Variants in CRB1 observed in about 807,000 individuals in gnomAD.
CRB1 encodes protein crumbs homolog 1.
Under a neutral mutation model 120.0 loss-of-function variants are expected in CRB1, and 83 were observed. The ratio of observed to expected loss-of-function variants is 0.69; its 90% CI spans 0.58 to 0.83. The LOEUF (loss-of-function observed/expected upper bound fraction) is 0.83, where lower values mean the gene tolerates loss of function less well. Among genes scored for constraint, CRB1 ranks in the 40% least tolerant of loss-of-function variants. CRB1 has a pLI of 0.00. For missense variants in CRB1, 1,699 were observed against 1,687.6 expected, an observed-to-expected ratio of 1.01 and a Z score of -0.12; for synonymous variants, 625 against 612.5, an observed-to-expected ratio of 1.02 and a Z score of -0.30.
intron 1 of CRB1, among the ~76,000 whole-genome samples, chr1:197,287,661 G>A (rs972834170): frequency 6.6e-6 from 1 of 151,766 alleles, no homozygotes; most frequent in Non-Finnish European, 1.5e-5. Flanking sequence ...CTCATGTGCA[G>A]TTTATCCAAG....
intron 5 of CRB1, among the ~76,000 whole-genome samples, chr1:197,387,568 ATGACT>A (rs1367440468): frequency 2.0e-4 from 30 of 152,204 alleles, no homozygotes; most frequent in Non-Finnish European, 1.9e-4. Flanking sequence ...CGTACTAAAA[ATGACT>A]TGACCTTAGA....
intron 5 of CRB1, among the ~76,000 whole-genome samples, chr1:197,362,481 C>T (rs77085518): frequency 6.6e-6 from 1 of 152,130 alleles, no homozygotes; most frequent in Non-Finnish European, 1.5e-5. Context: ...AAAGTCCCCA[C>T]CTATAATTAT....
intron 7 of CRB1, among the ~76,000 whole-genome samples, 168 bp downstream of exon 7, chr1:197,428,169 T>C (rs1006765660): frequency 1.1e-4 from 17 of 152,344 alleles, no homozygotes; most frequent in South Asian, 6.2e-4. Flanking sequence ...GAAATTTACA[T>C]TGAGCCATAG....
intron 10 of CRB1, chr1:197,441,841 C>T (rs1013522024): frequency 9.1e-6 from 3 of 330,106 alleles, no homozygotes; most frequent in Admixed American, 4.3e-5. Context: ...AGGTGGCAAC[C>T]ACACTAATGC....
chr1:197,373,008 G>A (rs796715479), intron 5 of CRB1, among the ~76,000 whole-genome samples: 30 of 152,214 alleles, frequency 2.0e-4, no homozygotes, highest in African/African-American at 6.5e-4. Context: ...AGAAGCCTAA[G>A]TGCCTCTCTC....
intron 5 of CRB1, among the ~76,000 whole-genome samples, chr1:197,370,893 G>A (rs1661335354): frequency 6.6e-6 from 1 of 152,070 alleles, no homozygotes; most frequent in African/African-American, 2.4e-5. Flanking sequence ...CATTATCTCT[G>A]TTATTTGAAA....
upstream of CRB1, chr1:197,268,152 G>A: frequency 2.2e-6 from 1 of 445,622 alleles, no homozygotes; most frequent in East Asian, 4.4e-5. Flanking sequence ...AGGGGGGAAT[G>A]AATCCAATCC....
At chr1:197,238,984 C>T in the CRB1 span, among the ~76,000 whole-genome samples, 56 of 152,216 alleles carry the variant, frequency 3.7e-4, no homozygotes, top group Admixed American at 3.3e-3. Context: ...TAGTCTTCTG[C>T]GTATTTATGT....
intron 5 of CRB1, among the ~76,000 whole-genome samples, chr1:197,359,641 A>T (rs144052120): frequency 3.3e-5 from 5 of 152,300 alleles, no homozygotes; most frequent in African/African-American, 9.6e-5. Flanking sequence ...TTCCTATGAT[A>T]GTTTCAGGTT....
intron 5 of CRB1, among the ~76,000 whole-genome samples, chr1:197,359,354 T>G (rs1296167704): frequency 6.6e-6 from 1 of 152,192 alleles, no homozygotes; most frequent in East Asian, 1.9e-4. Flanking sequence ...TAAGAGTTTT[T>G]TTTTTTTTCC....
At chr1:197,440,967 G>T (rs1370478719) in intron 10 of CRB1, 1 of 152,212 alleles carries the variant, frequency 6.6e-6, no homozygotes. Flanking sequence ...TCTCAGCTAT[G>T]CTTGGTATCC....
At chr1:197,319,280 T>G in intron 1 of CRB1, among the ~76,000 whole-genome samples, 1 of 34,386 alleles carries the variant, frequency 2.9e-5, no homozygotes, top group East Asian at 3.0e-3. Flanking sequence ...AAAAAAAAAT[T>G]AGCCGGACGT....
the CRB1 span, among the ~76,000 whole-genome samples, chr1:197,207,456 A>G: frequency 6.6e-6 from 1 of 152,100 alleles, no homozygotes; most frequent in East Asian, 1.9e-4. Context: ...AAAAGACTGT[A>G]TCTTTCCTTC....
chr1:197,434,901 A>C lies in CRB1; in HGVS notation c.3038A>C (p.Gln1013Pro), dbSNP rs886043310. 6.2e-7 allele frequency: 1 copy of C among 1,613,928 alleles called. No homozygotes were observed. Among genetic ancestry groups the C allele is most frequent in the Non-Finnish European group, 8.5e-7 (1 of 1,179,876 alleles). Residue 1013 changes from glutamine (Q) to proline (P), a missense_variant, in exon 9 of 12, where the codon CAA becomes CCA. Gln to Pro is a moderately conservative substitution (Grantham distance 76, BLOSUM62 -1). Transcript: ENST00000367400. Reference protein sequence around the residue: ...IQDSRLFFQLQSGNSFYMLSL... With the variant: ...IQDSRLFFQLPSGNSFYMLSL... ...GATTCCAGATTATTCTTTCAATTGCAAAGTGGCAACAGCTTTTATATGCTA... is the reference window on the plus strand; with the variant it reads ...GATTCCAGATTATTCTTTCAATTGCCAAGTGGCAACAGCTTTTATATGCTA...
chr1:197,270,035 A>AT (rs1223698599), intron 1 of CRB1, among the ~76,000 whole-genome samples: 3 of 152,156 alleles, frequency 2.0e-5, no homozygotes, highest in Non-Finnish European at 4.4e-5. Flanking sequence ...ATATAATCAT[A>AT]TTGCTTTCCC....
the CRB1 span, among the ~76,000 whole-genome samples, chr1:197,262,269 A>G: frequency 6.6e-6 from 1 of 152,310 alleles, no homozygotes; most frequent in Admixed American, 6.5e-5. Flanking sequence ...TCCAGAACCT[A>G]CTATGTTCTG....
chr1:197,276,821 T>C (rs1349172011), intron 1 of CRB1, among the ~76,000 whole-genome samples: 3 of 151,886 alleles, frequency 2.0e-5, no homozygotes, highest in Non-Finnish European at 2.9e-5. Flanking sequence ...GCAATCATAC[T>C]ACATAGTAGC....
At chr1:197,438,082 G>A (rs984645642) in intron 9 of CRB1, 2 of 204,616 alleles carry the variant, frequency 9.8e-6, no homozygotes, top group Admixed American at 1.1e-4. Flanking sequence ...ATAGGGAGCA[G>A]CAAGTCTTGG....
At chr1:197,386,378 A>G (rs1398458997) in intron 5 of CRB1, among the ~76,000 whole-genome samples, 2 of 152,100 alleles carry the variant, frequency 1.3e-5, no homozygotes, top group Non-Finnish European at 2.9e-5. Flanking sequence ...AGATTTAGAA[A>G]CTGTTGAGAT....
Sources: gnomAD v4.1 joint callset for allele counts (sites outside exome capture counted in the v4.1 genomes callset) on GRCh38, gnomAD v4.1.1 for gene constraint, MANE v1.5 for transcripts, NCBI Gene and HGNC (gene_info 2026-07-23, HGNC 2026-07-21) for gene names.